SEC22C: variants seen among roughly 807,000 people sequenced by gnomAD.
The protein encoded by SEC22C is vesicle-trafficking protein SEC22c.
SEC22C carries 29 observed loss-of-function variants against 34.7 expected under a neutral mutation model. The observed-to-expected ratio is 0.84, with a 90% CI of 0.62 to 1.14. The LOEUF is 1.14. Among genes scored for constraint, SEC22C ranks in the 50% most tolerant of loss-of-function variants. The pLI, the probability that SEC22C is intolerant of heterozygous loss-of-function variation, is 0.00. For missense variants in SEC22C, 337 were observed against 369.0 expected (o/e 0.91, Z 0.71); for synonymous variants, 117 against 132.8 (o/e 0.88, Z 0.82).
upstream of SEC22C, among the ~76,000 whole-genome samples, chr3:42,584,792 A>G: frequency 6.6e-6 from 1 of 152,188 alleles, no homozygotes; most frequent in East Asian, 1.9e-4. Context: ...CAGGAGATTC[A>G]GGGTTGGTAA....
chr3:42,566,744 C>T, intron 2 of SEC22C: 2 of 313,472 alleles, frequency 6.4e-6, no homozygotes, highest in Middle Eastern at 4.8e-4. Context: ...TGGCTCATAC[C>T]TATAATCCCA....
intron 1 of SEC22C, among the ~76,000 whole-genome samples, chr3:42,599,599 G>T (rs976031422): frequency 8.6e-5 from 13 of 151,168 alleles, no homozygotes; most frequent in African/African-American, 3.2e-4. Flanking sequence ...GGCTGAGGCA[G>T]GAGAATGGCG....
intron 1 of SEC22C, among the ~76,000 whole-genome samples, chr3:42,576,047 A>G (rs1046921249): frequency 6.6e-6 from 1 of 152,368 alleles, no homozygotes; most frequent in African/African-American, 2.4e-5. Flanking sequence ...TTATAAATTA[A>G]TAACAGAAAG....
In SEC22C at chr3:42,553,168, G is replaced by A; in HGVS notation, c.*80C>T. On this transcript the variant is annotated 3_prime_UTR_variant, in exon 7 of 7. Transcript: ENST00000264454. ...GGCTGAAAAGGATGGAAACTGGAGT[G>A]TAAAGTAGAGAAGCAGAAAGAGAAA... 6.4e-7 allele frequency: 1 copy of A among 1,564,128 alleles called. No homozygotes were observed. Among genetic ancestry groups the A allele is most frequent in the South Asian group, 1.2e-5 (1 of 82,610 alleles).
intron 1 of SEC22C, chr3:42,594,445 A>C (rs755887947): frequency 6.2e-7 from 1 of 1,613,900 alleles, no homozygotes. Flanking sequence ...TTACATAGAA[A>C]TCTCATTTAT....
At chr3:42,565,790 A>T (rs1254967156) in intron 2 of SEC22C, 2 of 433,306 alleles carry the variant, frequency 4.6e-6, no homozygotes, top group African/African-American at 4.1e-5. Flanking sequence ...GAGAGAACGA[A>T]TTCTGTTGTT....
rs1481366532 is a variant in SEC22C, at chr3:42,569,024, C to T, written c.23G>A (p.Cys8Tyr). 6.2e-7 allele frequency: 1 copy of T among 1,613,340 alleles called. No homozygotes were observed. The highest frequency in any genetic ancestry group is 2.2e-5 in the East Asian group (1 of 44,852). Residue 8 changes from cysteine (C) to tyrosine (Y), a missense_variant, in exon 2 of 7, where the codon TGC (cysteine) becomes TAC (tyrosine). Transcript: ENST00000264454. MSVIFFACVVRVRDGLPL... is the reference protein window; with the variant it reads MSVIFFAYVVRVRDGLPL... ...CAGTCCATCCCTTACCCGTACCACG[C>T]AGGCAAAAAAGATCACGGACATGGT...
intron 1 of SEC22C, among the ~76,000 whole-genome samples, chr3:42,578,862 A>C (rs1468716311): frequency 6.6e-6 from 1 of 152,236 alleles, no homozygotes; most frequent in Non-Finnish European, 1.5e-5. Context: ...ATGCATGAAC[A>C]CTGAAGGGCA....
At chr3:42,595,942 G>A (rs1357078601) in intron 1 of SEC22C, among the ~76,000 whole-genome samples, 4 of 152,210 alleles carry the variant, frequency 2.6e-5, no homozygotes, top group Non-Finnish European at 4.4e-5. Flanking sequence ...CTGGGCACAT[G>A]TTAATCTATG....
chr3:42,580,929 G>A (rs1704296828), intron 1 of SEC22C, among the ~76,000 whole-genome samples: 1 of 152,196 alleles, frequency 6.6e-6, no homozygotes, highest in South Asian at 2.1e-4. Flanking sequence ...AAGTCAGGTT[G>A]TCCTCTCTAT....
At chr3:42,600,175 C>A (rs1301477155) in intron 1 of SEC22C, among the ~76,000 whole-genome samples, 2 of 152,094 alleles carry the variant, frequency 1.3e-5, no homozygotes, top group Non-Finnish European at 2.9e-5. Flanking sequence ...TCAGTAAGCA[C>A]AGGACAAAAA....
chr3:42,563,975 C>G (rs1054950158), intron 2 of SEC22C: 1 of 1,301,930 alleles, frequency 7.7e-7, no homozygotes, highest in South Asian at 1.3e-5. Context: ...TCAGACTTCT[C>G]CACATCTATT....
At chr3:42,598,406 C>T (rs990046097) in intron 1 of SEC22C, among the ~76,000 whole-genome samples, 1 of 151,460 alleles carries the variant, frequency 6.6e-6, no homozygotes, top group Non-Finnish European at 1.5e-5. Context: ...CGGCTCACTG[C>T]AATCTCTGCC....
chr3:42,578,227 AAAG>A (rs775267379), intron 1 of SEC22C, among the ~76,000 whole-genome samples: 71 of 152,368 alleles, frequency 4.7e-4, no homozygotes, highest in African/African-American at 1.4e-3. Context: ...ACTACTCAGC[AAAG>A]AAGAAGAATA....
intron 4 of SEC22C, among the ~76,000 whole-genome samples, chr3:42,559,927 C>T (rs957226082): frequency 2.0e-5 from 3 of 151,744 alleles, no homozygotes; most frequent in Non-Finnish European, 2.9e-5. Flanking sequence ...TCTCTGAAAT[C>T]CACAGGGATA....
At chr3:42,555,863 T>C in intron 6 of SEC22C, 67 bp downstream of exon 6, 2 of 1,282,216 alleles carry the variant, frequency 1.6e-6, no homozygotes, top group East Asian at 2.3e-5. Context: ...AACTTGCTGA[T>C]AGATGAACAG....
chr3:42,585,357 C>G (rs1455291827), upstream of SEC22C, among the ~76,000 whole-genome samples: 1 of 152,194 alleles, frequency 6.6e-6, no homozygotes, highest in Non-Finnish European at 1.5e-5. Flanking sequence ...ACAGTCAACT[C>G]CAGAGTCTTT....
At chr3:42,588,191 C>T (rs188782547) in intron 1 of SEC22C, among the ~76,000 whole-genome samples, 5 of 152,212 alleles carry the variant, frequency 3.3e-5, no homozygotes, top group Non-Finnish European at 5.9e-5. Flanking sequence ...ATCATGAGGT[C>T]AGGAGTTCAA....
intron 1 of SEC22C, 146 bp from the exon 2 acceptor site, chr3:42,569,219 C>T: frequency 3.2e-6 from 2 of 618,890 alleles, no homozygotes; most frequent in Non-Finnish European, 2.9e-6. Flanking sequence ...TCCCTGGCCT[C>T]TACTGCTATA....
Sources: gnomAD v4.1 joint callset for allele counts (sites outside exome capture counted in the v4.1 genomes callset) on GRCh38, gnomAD v4.1.1 for gene constraint, MANE v1.5 for transcripts, NCBI Gene and HGNC (gene_info 2026-07-23, HGNC 2026-07-21) for gene names.